CHD6: variants seen among roughly 807,000 people sequenced by gnomAD.
CHD6 encodes ATP-dependent chromatin remodeler CHD6.
In CHD6, 50 loss-of-function variants were observed where a neutral mutation model predicts 276.9. The ratio of observed to expected loss-of-function variants is 0.18; its 90% CI spans 0.14 to 0.23. The LOEUF (loss-of-function observed/expected upper bound fraction) is 0.23. Among genes scored for constraint, CHD6 ranks in the 10% least tolerant of loss-of-function variants. The pLI is 1.00. For missense variants in CHD6, 2,564 were observed against 3,365.8 expected, an observed-to-expected ratio of 0.76 and a Z score of 5.89; for synonymous variants, 1,173 against 1,229.3, an observed-to-expected ratio of 0.95 and a Z score of 0.96.
At chr20:41,584,162 A>G (rs2045568701) in intron 1 of CHD6, among the ~76,000 whole-genome samples, 1 of 152,170 alleles carries the variant, frequency 6.6e-6, no homozygotes. Flanking sequence ...AAAAGATACC[A>G]AGCACATACT....
At chr20:41,451,176 T>C (rs2048229274) in intron 22 of CHD6, 71 bp from the exon 23 acceptor site, 2 of 1,376,604 alleles carry the variant, frequency 1.5e-6, no homozygotes, top group Admixed American at 1.8e-5. Context: ...TTAGAAGAGC[T>C]GGGCTGGGGT....
At position 41,512,988 on chromosome 20, in the gene CHD6, C is replaced by A; in HGVS notation, c.710G>T (p.Arg237Leu). Residue 237 changes from arginine (R) to leucine (L), a missense_variant, in exon 5 of 37, where the codon CGC (arginine) becomes CTC (leucine). Coordinates refer to ENST00000373233, the MANE Select transcript of CHD6 (RefSeq NM_032221.5). ...TCTGCGCTTTACTTGCCTTCCCGAG[C>A]GTCGTTTCTGTAGGGCAAACACACC... ...STESTDSQKR[R>L]SGRQVKRRKY... 3 of 1,614,024 alleles carry A rather than the reference C, an allele frequency of 1.9e-6. No individual in the cohort carries two copies. Among genetic ancestry groups the A allele is most frequent in the Non-Finnish European group, 2.5e-6 (3 of 1,179,912 alleles).
intron 3 of CHD6, among the ~76,000 whole-genome samples, chr20:41,522,573 C>T (rs2044426883): frequency 1.3e-5 from 2 of 152,096 alleles, no homozygotes; most frequent in African/African-American, 4.8e-5. Flanking sequence ...TTAGGAAAGA[C>T]ACACTGATGT....
At chr20:41,592,109 A>AC (rs1465338746) in intron 1 of CHD6, among the ~76,000 whole-genome samples, 1 of 152,202 alleles carries the variant, frequency 6.6e-6, no homozygotes, top group Non-Finnish European at 1.5e-5. Context: ...AAACAAACAA[A>AC]AAAAAAGAAT....
intron 1 of CHD6, among the ~76,000 whole-genome samples, chr20:41,609,855 C>CTTTTTTTTTTT (rs369159347): frequency 1.6e-5 from 2 of 128,224 alleles, no homozygotes; most frequent in Non-Finnish European, 3.3e-5. Flanking sequence ...TTTCTTTTTT[C>CTTTTTTTTTTT]TTTTTTTTTT....
chr20:41,510,132 G>A (rs754938244), intron 5 of CHD6, among the ~76,000 whole-genome samples: 3 of 152,164 alleles, frequency 2.0e-5, no homozygotes, highest in Non-Finnish European at 4.4e-5. Flanking sequence ...CCCACCCAGA[G>A]GGCCCCGGGA....
intron 36 of CHD6, among the ~76,000 whole-genome samples, chr20:41,408,947 C>T (rs2046763918): frequency 6.6e-6 from 1 of 152,224 alleles, no homozygotes; most frequent in Non-Finnish European, 1.5e-5. Flanking sequence ...CCAGTAAGTG[C>T]AAGTAGCACT....
At chr20:41,504,403 C>CTT (rs200549678) in intron 5 of CHD6, among the ~76,000 whole-genome samples, 2,178 of 109,742 alleles carry the variant, frequency 0.02, 39 homozygotes, top group Non-Finnish European at 0.024. Flanking sequence ...CCTCTATTTT[C>CTT]TTTTTTTTTT....
At chr20:41,445,309 C>T (rs1305192408) in intron 25 of CHD6, among the ~76,000 whole-genome samples, 1 of 152,132 alleles carries the variant, frequency 6.6e-6, no homozygotes, top group Non-Finnish European at 1.5e-5. Flanking sequence ...CTTAGCATTT[C>T]CCGCCATTTA....
chr20:41,483,703 G>T (rs578123781), intron 15 of CHD6, among the ~76,000 whole-genome samples, 184 bp from the exon 16 acceptor site: 5 of 152,282 alleles, frequency 3.3e-5, no homozygotes, highest in African/African-American at 1.2e-4. Context: ...GTGGCAGCAG[G>T]AGAGAATGCG....
Position 41,403,584 on chromosome 20 carries a change from C to A in CHD6, c.*1009G>T. The A allele has an allele frequency of 1.9e-6, 2 of 1,063,162 alleles. No individual in the cohort carries two copies. The highest frequency in any genetic ancestry group is 2.3e-6 in the Non-Finnish European group (2 of 877,936). 65.9% of individuals were successfully genotyped at this position (1,063,162 alleles called of 1,614,324 possible). On this transcript the variant is annotated 3_prime_UTR_variant, in exon 37 of 37. Transcript: ENST00000373233. Reference sequence around the variant, plus strand: ...GTGGCACACATTTGACAGCCTCAGACACTCTTGATCAAAGGACCTACTAGC... The same window carrying A: ...GTGGCACACATTTGACAGCCTCAGAAACTCTTGATCAAAGGACCTACTAGC...
intron 1 of CHD6, among the ~76,000 whole-genome samples, chr20:41,611,320 T>G (rs1407626625): frequency 6.6e-6 from 1 of 152,218 alleles, no homozygotes; most frequent in Non-Finnish European, 1.5e-5. Flanking sequence ...TGTCTAATAC[T>G]GGTACGACTG....
intron 35 of CHD6, among the ~76,000 whole-genome samples, chr20:41,412,519 T>A (rs905523323): frequency 6.6e-6 from 1 of 152,216 alleles, no homozygotes; most frequent in Non-Finnish European, 1.5e-5. Context: ...CCTGAGCCGA[T>A]TCACCAGGCT....
At chr20:41,453,013 C>A (rs1431895377) in intron 20 of CHD6, 71 bp from the exon 21 acceptor site, 2 of 1,231,694 alleles carry the variant, frequency 1.6e-6, no homozygotes, top group Admixed American at 1.8e-5. Context: ...ATAAGTGTAT[C>A]CTCAGGACAC....
rs552885613 is a variant in CHD6, at chr20:41,550,198, C to T, written c.33+1107G>A. Among the ~76,000 whole-genome samples the T allele has an allele frequency of 6.6e-5, 10 of 152,288 alleles. No homozygotes were observed. The South Asian group carries it at 1.2e-3, about 19-fold the overall frequency. ...TTTGACGGATGTGTACGTTCTTTTC[C>T]ATTTTTGCTATCATACATGAAACAG... is the stretch of plus-strand genomic sequence containing the variant. On this transcript the variant is annotated intron_variant, in intron 2 of 36. Coordinates refer to ENST00000373233, the MANE Select transcript of CHD6 (RefSeq NM_032221.5).
intron 17 of CHD6, among the ~76,000 whole-genome samples, chr20:41,458,083 C>A (rs567240403): frequency 6.6e-6 from 1 of 152,210 alleles, no homozygotes; most frequent in East Asian, 1.9e-4. Flanking sequence ...CCTGTATTTT[C>A]TCTAAACTAG....
chr20:41,447,325 G>A (rs1018460034), intron 24 of CHD6, among the ~76,000 whole-genome samples: 2 of 152,158 alleles, frequency 1.3e-5, no homozygotes, highest in African/African-American at 2.4e-5. Flanking sequence ...TTTATAAACT[G>A]GGGCTTTCTG....
At chr20:41,598,435 C>T (rs892491884) in intron 1 of CHD6, among the ~76,000 whole-genome samples, 6 of 152,172 alleles carry the variant, frequency 3.9e-5, no homozygotes, top group African/African-American at 1.2e-4. Flanking sequence ...ATTAAATATT[C>T]CGTCCGCAAA....
rs925207465 is a variant in CHD6, at chr20:41,433,644, G to T, written c.4068+3630C>A. On this transcript the variant is annotated intron_variant, in intron 27 of 36. Coordinates refer to ENST00000373233, the MANE Select transcript of CHD6 (RefSeq NM_032221.5). The stretch of plus-strand genomic sequence containing the variant: ...TCTAAAAAGAAAGAAAACAATAAAA[G>T]AAGGAACCTTGGAACACCAGGAAGA... Among the ~76,000 whole-genome samples the T allele has an allele frequency of 3.3e-5, 5 of 152,074 alleles. No homozygotes were observed. The South Asian group carries it at 1.0e-3, about 31-fold the overall frequency.
Sources: gnomAD v4.1 joint callset for allele counts (sites outside exome capture counted in the v4.1 genomes callset) on GRCh38, gnomAD v4.1.1 for gene constraint, MANE v1.5 for transcripts, NCBI Gene and HGNC (gene_info 2026-07-23, HGNC 2026-07-21) for gene names.